Variants in MCEE observed in about 807,000 individuals in gnomAD.
MCEE encodes the protein methylmalonyl-CoA epimerase.
Under a neutral mutation model 12.9 loss-of-function variants are expected in MCEE, and 6 were observed. That is an observed-to-expected ratio of 0.47 (90% CI 0.26 to 0.92). The LOEUF (loss-of-function observed/expected upper bound fraction) is 0.92, where lower values mean the gene tolerates loss of function less well. Among genes scored for constraint, MCEE ranks in the 40% least tolerant of loss-of-function variants. The pLI is 0.16. For synonymous variants in MCEE, 78 were observed against 77.9 expected, an observed-to-expected ratio of 1.00 and a Z score of -0.01; for missense variants, 214 against 212.1, an observed-to-expected ratio of 1.01 and a Z score of -0.05.
In MCEE at chr2:71,123,583, C is replaced by T. The variant is rs1407678348; in HGVS notation, c.378+623G>A. On this transcript the variant is annotated intron_variant, in intron 2 of 2. Transcript: ENST00000244217. ...AAAGAATTGTCCTAGCAAATTAAAT[C>T]GATGCATAATTGTCATTGCTGATAT... Among the ~76,000 whole-genome samples the T allele has an allele frequency of 2.0e-5, 3 of 151,892 alleles. No individual in the cohort carries two copies. The East Asian group carries it at 5.8e-4, about 29-fold the overall frequency.
chr2:71,123,353 T>C (rs1305118112), intron 2 of MCEE, among the ~76,000 whole-genome samples: 2 of 152,018 alleles, frequency 1.3e-5, no homozygotes, highest in Admixed American at 6.5e-5. Flanking sequence ...TAGCCGGGCA[T>C]GGTGGCGCAT....
intron 1 of MCEE, 137 bp from the exon 2 acceptor site, chr2:71,124,680 A>G (rs1673181629): frequency 4.2e-6 from 3 of 714,062 alleles, no homozygotes; most frequent in African/African-American, 3.6e-5. Context: ...TTGAAATGAA[A>G]CCAGGAGATA....
In MCEE at chr2:71,118,115, G is replaced by A. The variant is rs974541906; in HGVS notation, c.378+6091C>T. 1.1e-4 allele frequency among the ~76,000 whole-genome samples: 16 copies of A among 149,994 alleles called. 3 individuals are homozygous for A. Among genetic ancestry groups the A allele is most frequent in the African/African-American group, 4.1e-4 (16 of 39,462 alleles). The stretch of plus-strand genomic sequence containing the variant: ...AGTGGATACACATCCTCCTCACCCT[G>A]TGTGGCTCTGACTCCCCATACCTGC... On this transcript the variant is annotated intron_variant, in intron 2 of 2. Coordinates refer to ENST00000244217, the MANE Select transcript of MCEE (RefSeq NM_032601.4).
In MCEE at chr2:71,129,367, G is replaced by A. The variant is rs1016619615; in HGVS notation, c.40+813C>T. Among the ~76,000 whole-genome samples the A allele has an allele frequency of 4.6e-5, 7 of 152,154 alleles. No homozygotes were observed. In the East Asian group the frequency reaches 1.4e-3, roughly 29 times the overall value. On this transcript the variant is annotated intron_variant, in intron 1 of 2. Transcript: ENST00000244217. ...GTATGCCTTACGGTTAAGAATGTGG[G>A]CTCTGGTGCTAGAAGGATTTATCAC...
Position 71,124,436 on chromosome 2 carries a change from G to A in MCEE, c.148C>T (p.His50Tyr). The A allele has an allele frequency of 6.2e-7, 1 of 1,614,156 alleles. No homozygotes were observed. Reference sequence around the variant, plus strand: ...AAATCTGGCACTGCTATGGCTACATGGTTGAGTCGACCCAGGTTCCACACA... The same window carrying A: ...AAATCTGGCACTGCTATGGCTACATAGTTGAGTCGACCCAGGTTCCACACA... Reference protein sequence around the residue: ...GSVWNLGRLNHVAIAVPDLEK... With the variant: ...GSVWNLGRLNYVAIAVPDLEK... Residue 50 changes from histidine (H) to tyrosine (Y), a missense_variant, in exon 2 of 3, where the codon CAT becomes TAT. Transcript: ENST00000244217.
intron 1 of MCEE, among the ~76,000 whole-genome samples, chr2:71,129,005 A>C (rs1453627848): frequency 1.3e-5 from 2 of 150,174 alleles, no homozygotes; most frequent in Admixed American, 6.6e-5. Flanking sequence ...AAAAAGGTAA[A>C]TTTTACTTTA....
chr2:71,115,302 G>A (rs1672969021), intron 2 of MCEE, among the ~76,000 whole-genome samples: 1 of 152,198 alleles, frequency 6.6e-6, no homozygotes, highest in Admixed American at 6.5e-5. Flanking sequence ...TGAGAGGACT[G>A]CTTGAGCCCA....
chr2:71,115,053 C>T (rs900298383), intron 2 of MCEE, among the ~76,000 whole-genome samples: 6 of 152,172 alleles, frequency 3.9e-5, no homozygotes, highest in African/African-American at 1.4e-4. Context: ...TTAGTATACT[C>T]CTTCTTCAAT....
At position 71,124,557 on chromosome 2, in the gene MCEE, C is replaced by T. The variant is rs989566794; in HGVS notation, c.41-14G>A. On this transcript the variant is annotated splice_polypyrimidine_tract_variant and intron_variant, in intron 1 of 2. Transcript: ENST00000244217. Reference sequence around the variant, plus strand: ...TGGAAAAAAGCCCTGAAAAATTGAACAGCCATTGATATCCTTCTTTTGAGA... The same window carrying T: ...TGGAAAAAAGCCCTGAAAAATTGAATAGCCATTGATATCCTTCTTTTGAGA... 3.8e-6 allele frequency: 6 copies of T among 1,599,128 alleles called. No homozygotes were observed. In the African/African-American group the frequency reaches 6.7e-5, roughly 18 times the overall value.
intron 1 of MCEE, among the ~76,000 whole-genome samples, chr2:71,125,312 G>A (rs1673203354): frequency 6.7e-6 from 1 of 148,782 alleles, no homozygotes; most frequent in African/African-American, 2.5e-5. Context: ...AGGTTCAAGC[G>A]ATTCTCCTGC....
At chr2:71,112,997 T>C (rs570660643) in intron 2 of MCEE, among the ~76,000 whole-genome samples, 5 of 152,356 alleles carry the variant, frequency 3.3e-5, no homozygotes, top group African/African-American at 1.2e-4. Context: ...TTCTAGTTTC[T>C]AGAACTGTGA....
At chr2:71,115,979 G>A (rs1041425229) in intron 2 of MCEE, among the ~76,000 whole-genome samples, 4 of 149,656 alleles carry the variant, frequency 2.7e-5, no homozygotes, top group South Asian at 2.1e-4. Flanking sequence ...AAAGGGGGGG[G>A]TTATGGTTTT....
rs1197311013 is a variant in MCEE at position 71,122,613 on chromosome 2, C to CT, written c.378+1592dup. Among the ~76,000 whole-genome samples the CT allele has an allele frequency of 4.6e-5, 7 of 152,258 alleles. 1 individual carries two copies. In the South Asian group the frequency reaches 8.3e-4, roughly 18 times the overall value. ...GACAGATTGGGCAGGGAAAATCCCCCTTATAAAACTGTCAGATCTTGTGAA... is the reference window on the plus strand; with the variant it reads ...GACAGATTGGGCAGGGAAAATCCCCCTTTATAAAACTGTCAGATCTTGTGAA... On this transcript the variant is annotated intron_variant, in intron 2 of 2. Transcript: ENST00000244217.
intron 2 of MCEE, among the ~76,000 whole-genome samples, chr2:71,123,107 ATTATAGGGTC>A (rs1313835307): frequency 6.6e-6 from 1 of 152,254 alleles, no homozygotes; most frequent in East Asian, 1.9e-4. Context: ...CAGAATACAC[ATTATAGGGTC>A]TCATACATGT....
intron 2 of MCEE, among the ~76,000 whole-genome samples, chr2:71,112,888 A>G (rs1672918849): frequency 6.6e-6 from 1 of 152,166 alleles, no homozygotes; most frequent in Admixed American, 6.5e-5. Context: ...CTGGGACTCC[A>G]ACTATATTCT....
intron 2 of MCEE, among the ~76,000 whole-genome samples, chr2:71,114,097 CAA>C (rs147862098): frequency 7.0e-6 from 1 of 142,642 alleles, no homozygotes; most frequent in East Asian, 2.0e-4. Context: ...GAAAACAAAA[CAA>C]AACAAAAAAA....
Position 71,118,619 on chromosome 2 carries a change from G to C in MCEE, c.378+5587C>G, listed in dbSNP as rs149407514. On this transcript the variant is annotated intron_variant, in intron 2 of 2. Coordinates refer to ENST00000244217, the MANE Select transcript of MCEE (RefSeq NM_032601.4). Reference sequence around the variant, plus strand: ...TTCTCACTGTCCTCCCGTAGCGGAAGGGGCAACGGGTGTCTCTGAGGCCTC... The same window carrying C: ...TTCTCACTGTCCTCCCGTAGCGGAACGGGCAACGGGTGTCTCTGAGGCCTC... Among the ~76,000 whole-genome samples the C allele has an allele frequency of 8.5e-4, 128 of 150,008 alleles. 1 individual carries two copies. The East Asian group carries it at 0.022, about 25-fold the overall frequency.
At chr2:71,129,346 G>A (rs1232857705) in intron 1 of MCEE, among the ~76,000 whole-genome samples, 1 of 152,190 alleles carries the variant, frequency 6.6e-6, no homozygotes, top group East Asian at 1.9e-4. Context: ...AGGAAGGTAT[G>A]CCTTACGGTT....
intron 2 of MCEE, among the ~76,000 whole-genome samples, chr2:71,119,672 G>A (rs1246594254): frequency 6.7e-6 from 1 of 150,282 alleles, no homozygotes; most frequent in Admixed American, 6.6e-5. Context: ...TGCTTGTTCA[G>A]CCACATATCC....
Sources: gnomAD v4.1 joint callset for allele counts (sites outside exome capture counted in the v4.1 genomes callset) on GRCh38, gnomAD v4.1.1 for gene constraint, MANE v1.5 for transcripts, NCBI Gene and HGNC (gene_info 2026-07-23, HGNC 2026-07-21) for gene names.